Variants in PHLDB1 observed in about 807,000 individuals in gnomAD.
The protein encoded by PHLDB1 is pleckstrin homology-like domain family B member 1.
Under a neutral mutation model 139.3 loss-of-function variants are expected in PHLDB1, and 65 were observed. That is an observed-to-expected ratio of 0.47 (90% confidence interval 0.38 to 0.57). The LOEUF (loss-of-function observed/expected upper bound fraction) is 0.57, where lower values mean the gene tolerates loss of function less well. Among genes scored for constraint, PHLDB1 ranks in the 20% least tolerant of loss-of-function variants. The pLI is 0.00. For missense variants in PHLDB1, 1,624 were observed against 1,839.7 expected, an observed-to-expected ratio of 0.88 and a Z score of 2.14; for synonymous variants, 679 against 734.5, an observed-to-expected ratio of 0.92 and a Z score of 1.22.
At chr11:118,636,642 G>A (rs533271599) in intron 10 of PHLDB1, 2 of 152,312 alleles carry the variant, frequency 1.3e-5, no homozygotes, top group East Asian at 3.9e-4. Flanking sequence ...AGGAGTAGGA[G>A]AAGCTACACA....
At chr11:118,637,134 G>A (rs781797971) in intron 10 of PHLDB1, 2 of 152,096 alleles carry the variant, frequency 1.3e-5, no homozygotes, top group African/African-American at 2.4e-5. Context: ...ATTCTAATCC[G>A]TGCTCTACCA....
intron 4 of PHLDB1, among the ~76,000 whole-genome samples, chr11:118,623,874 TTGTGTGTGTGTGTG>T (rs3222268): frequency 2.8e-5 from 4 of 141,194 alleles, no homozygotes; most frequent in Admixed American, 7.1e-5. Context: ...CTCTGAACAT[TTGTGTGTGTGTGTG>T]TGTGTGTGTG....
In PHLDB1 at chr11:118,616,054, T is replaced by C; in HGVS notation, c.198T>C (p.Ile66=). Residue 66 remains isoleucine, a synonymous_variant, in exon 4 of 23, where the codon ATT becomes ATC. Transcript: ENST00000600882. Reference sequence around the variant, plus strand: ...TCTTGTCTCCAGGGAGGACGGTGATTGGCTCTGCAGCCAGAGACATCTCAC... The same window carrying C: ...TCTTGTCTCCAGGGAGGACGGTGATCGGCTCTGCAGCCAGAGACATCTCAC... ...LLPLEEGRTV[I]GSAARDISLQ... is the part of the protein sequence containing the mutation. 6.2e-7 allele frequency: 1 copy of C among 1,613,224 alleles called. No homozygotes were observed. The highest frequency in any genetic ancestry group is 2.2e-5 in the East Asian group (1 of 44,856).
chr11:118,643,800 G>A lies in PHLDB1; in HGVS notation c.2878G>A (p.Val960Ile), dbSNP rs782475029. 3.7e-6 allele frequency: 6 copies of A among 1,614,084 alleles called. No individual in the cohort carries two copies. The highest frequency in any genetic ancestry group is 2.2e-5 in the South Asian group (2 of 91,086). ...ACTGGGCACTATCTTTTCTTTCCAGGTTTACCGCTCCAAGATGGATGGCGA... is the reference window on the plus strand; with the variant it reads ...ACTGGGCACTATCTTTTCTTTCCAGATTTACCGCTCCAAGATGGATGGCGA... ...LPAKASRQLQ[V>I]YRSKMDGEAT... The change falls in exon 14 of 23, where the codon GTT becomes ATT. Residue 960 changes from valine to isoleucine, a missense_variant and splice_region_variant. Transcript: ENST00000600882.
chr11:118,641,535 C>T, intron 12 of PHLDB1: 4 of 879,732 alleles, frequency 4.5e-6, no homozygotes, highest in Non-Finnish European at 6.0e-6. Context: ...CCCTCCCTTC[C>T]CCTGTGGGTA....
chr11:118,639,511 CAG>C, intron 12 of PHLDB1: 1 of 501,290 alleles, frequency 2.0e-6, no homozygotes, highest in Non-Finnish European at 3.6e-6. Flanking sequence ...TGGGGGGACT[CAG>C]GGGCCTGGGT....
At position 118,614,572 on chromosome 11, in the gene PHLDB1, A is replaced by T. The variant is rs1251745156; in HGVS notation, c.74A>T (p.Asp25Val). The change falls in exon 3 of 23, where the codon GAC becomes GTC. Residue 25 changes from aspartate to valine, a missense_variant. Coordinates refer to ENST00000600882, the MANE Select transcript of PHLDB1 (RefSeq NM_001144758.3). ...TQTMVQKGPL[D>V]LIETGKGLKV... ...TACTACCTACAGAAAGGACCCTTGG[A>T]CCTGATCGAGACAGGCAAAGGGCTG... 1 of 1,613,768 alleles carries T rather than the reference A, an allele frequency of 6.2e-7. No homozygotes were observed. Among genetic ancestry groups the T allele is most frequent in the East Asian group, 2.2e-5 (1 of 44,872 alleles).
intron 3 of PHLDB1, chr11:118,615,682 A>G: frequency 4.9e-6 from 1 of 206,122 alleles, no homozygotes; most frequent in Non-Finnish European, 9.7e-6. Context: ...AATGAGGAGT[A>G]GGATGAAGGG....
At position 118,608,531 on chromosome 11, in the gene PHLDB1, C is replaced by G. The variant is rs900168075; in HGVS notation, c.-22+832C>G. On this transcript the variant is annotated intron_variant, in intron 1 of 22. Coordinates refer to ENST00000600882, the MANE Select transcript of PHLDB1 (RefSeq NM_001144758.3). This position sits in a 1 kb window ranked among gnomAD's most constrained non-coding sequence, Gnocchi z 6.7. ...TCGAGTGGGGACTTGGCCGGGCGACCGCACAGCCCTGCCGGGGACCCACGG... is the reference window on the plus strand; with the variant it reads ...TCGAGTGGGGACTTGGCCGGGCGACGGCACAGCCCTGCCGGGGACCCACGG... Among the ~76,000 whole-genome samples, 6 of 152,270 alleles carry G rather than the reference C, an allele frequency of 3.9e-5. No homozygotes were observed. In the East Asian group the frequency reaches 1.2e-3, roughly 29 times the overall value.
rs150200350 is a variant in PHLDB1 at position 118,628,584 on chromosome 11, C to T, written c.1761C>T (p.Asp587=). 572 of 1,612,826 alleles carry T rather than the reference C, an allele frequency of 3.5e-4. No individual in the cohort carries two copies. Among genetic ancestry groups the T allele is most frequent in the Non-Finnish European group, 4.4e-4 (517 of 1,179,914 alleles). Residue 587 remains aspartate (D), a synonymous_variant, in exon 6 of 23, where the codon GAC becomes GAT. Coordinates refer to ENST00000600882, the MANE Select transcript of PHLDB1 (RefSeq NM_001144758.3). The stretch of plus-strand genomic sequence containing the variant: ...TCACAGAGATCAGTGACAATGAGGA[C>T]GACCTCCTGGAGTACCACCGGCGAC... The part of the protein sequence containing the change: ...NSITEISDNE[D]DLLEYHRRQR...
chr11:118,640,622 T>C (rs1170194435), intron 12 of PHLDB1: 2 of 153,166 alleles, frequency 1.3e-5, no homozygotes, highest in Non-Finnish European at 2.9e-5. Context: ...CCCCACCTGT[T>C]TCTAGCTCCT....
chr11:118,641,863 C>T, intron 12 of PHLDB1: 1 of 1,157,686 alleles, frequency 8.6e-7, no homozygotes, highest in Non-Finnish European at 1.1e-6. Context: ...CTCACCTGGC[C>T]TCTTGGCTCT....
intron 14 of PHLDB1, 54 bp downstream of exon 14, chr11:118,643,994 C>G (rs1555124243): frequency 5.0e-6 from 8 of 1,598,146 alleles, no homozygotes; most frequent in Non-Finnish European, 6.8e-6. Context: ...AGACTTCCAC[C>G]CTGGGGAGAG....
At chr11:118,613,539 AG>A (rs1940932019) in intron 1 of PHLDB1, 1 of 856,324 alleles carries the variant, frequency 1.2e-6, no homozygotes, top group Non-Finnish European at 1.5e-6. Context: ...AGGGCAAGAA[AG>A]CACAGAAGTA....
In PHLDB1 at chr11:118,648,046, G is replaced by A; in HGVS notation, c.3624G>A (p.Glu1208=). 6.2e-7 allele frequency: 1 copy of A among 1,613,658 alleles called. No individual in the cohort carries two copies. Among genetic ancestry groups the A allele is most frequent in the Non-Finnish European group, 8.5e-7 (1 of 1,179,758 alleles). The change falls in exon 18 of 23, where the codon GAG becomes GAA. Residue 1208 remains glutamate (E), a synonymous_variant. Coordinates refer to ENST00000600882, the MANE Select transcript of PHLDB1 (RefSeq NM_001144758.3). ...SARRQQLVEK[E]VKMREKQFSQ... is the part of the protein sequence containing the mutation. ...GGAGGCAGCAGCTGGTCGAGAAGGA[G>A]GTCAAGATGCGGGAGAAACAATTTT...
At chr11:118,622,354 G>A (rs548259122) in intron 4 of PHLDB1, among the ~76,000 whole-genome samples, 6 of 152,218 alleles carry the variant, frequency 3.9e-5, no homozygotes, top group Non-Finnish European at 8.8e-5. Context: ...GCTTCTGCAT[G>A]CAAATAGAAA....
chr11:118,656,916 C>T lies in PHLDB1; in HGVS notation c.*93C>T. ...GAGCTTGGTCCTGTGAGTTTCTGGG[C>T]TCTGGCCTCCTGAAGAACCAGCCAG... On this transcript the variant is annotated 3_prime_UTR_variant, in exon 23 of 23. Transcript: ENST00000600882. The T allele has an allele frequency of 1.8e-6, 2 of 1,135,280 alleles. No individual in the cohort carries two copies. Among genetic ancestry groups the T allele is most frequent in the Non-Finnish European group, 2.5e-6 (2 of 800,232 alleles). The allele number at this position is 1,135,280 out of a possible 1,614,324, so 70.3% of individuals were successfully genotyped here.
rs145947849 is a variant in PHLDB1 at position 118,628,064 on chromosome 11, G to C, written c.1241G>C (p.Arg414Pro). The change falls in exon 6 of 23, where the codon CGG becomes CCG. Residue 414 changes from arginine to proline, a missense_variant. Arg to Pro is a moderately radical substitution (Grantham distance 103). Coordinates refer to ENST00000600882, the MANE Select transcript of PHLDB1 (RefSeq NM_001144758.3). The stretch of plus-strand genomic sequence containing the variant: ...TTCCGTGAGCCTCCAGGCAGTGAGC[G>C]GGTGCTAACAACCAGCCCCTCACGC... ...SPFREPPGSE[R>P]VLTTSPSRQL... The C allele has an allele frequency of 6.2e-7, 1 of 1,613,908 alleles. No homozygotes were observed. The highest frequency in any genetic ancestry group is 1.1e-5 in the South Asian group (1 of 91,074).
intron 13 of PHLDB1, chr11:118,643,518 C>T: frequency 1.0e-6 from 1 of 985,408 alleles, no homozygotes; most frequent in Non-Finnish European, 1.2e-6. Flanking sequence ...TGCACAACTG[C>T]CTGACTGACA....
Sources: allele counts gnomAD v4.1 joint callset (sites outside exome capture counted in the v4.1 genomes callset), GRCh38; gene constraint gnomAD v4.1.1; non-coding constraint Gnocchi (gnomAD v3.1); transcripts MANE v1.5; gene names NCBI Gene and HGNC (gene_info 2026-07-23, HGNC 2026-07-21).